The following NCAPH variants were observed in gnomAD, a reference collection of about 807,000 sequenced individuals.
The protein encoded by NCAPH is condensin complex subunit 2.
In NCAPH, 38 loss-of-function variants were observed where a neutral mutation model predicts 85.5. That is an observed-to-expected ratio of 0.44 (90% CI 0.34 to 0.58). The LOEUF (loss-of-function observed/expected upper bound fraction) is 0.58, where lower values mean the gene tolerates loss of function less well. NCAPH is among the 20% of genes least tolerant of loss of function. The probability of loss-of-function intolerance (pLI) is 0.01; values close to 1 mark genes in which losing one functional copy is unlikely to be tolerated. For missense variants in NCAPH, 789 were observed against 916.6 expected, an observed-to-expected ratio of 0.86 and a Z score of 1.80; for synonymous variants, 301 against 335.1, an observed-to-expected ratio of 0.90 and a Z score of 1.11.
chr2:96,358,486 T>C (rs2064554219), intron 9 of NCAPH, among the ~76,000 whole-genome samples: 2 of 152,284 alleles, frequency 1.3e-5, no homozygotes, highest in South Asian at 4.1e-4. Context: ...CTTTTTTTTT[T>C]GAGACGGAGT....
chr2:96,335,946 G>GAT, intron 1 of NCAPH, 98 bp downstream of exon 1: 1 of 1,227,692 alleles, frequency 8.1e-7, no homozygotes, highest in South Asian at 1.8e-5. Context: ...GGGGAGAGAG[G>GAT]ATATGCTCAG....
At chr2:96,371,868 G>A (rs144703171) in intron 17 of NCAPH, among the ~76,000 whole-genome samples, 7 of 152,146 alleles carry the variant, frequency 4.6e-5, no homozygotes, top group South Asian at 4.2e-4. Context: ...TTTCACTCCC[G>A]TCTGGAGTCT....
chr2:96,357,421 C>T (rs2064539312), intron 9 of NCAPH, among the ~76,000 whole-genome samples: 1 of 152,158 alleles, frequency 6.6e-6, no homozygotes, highest in South Asian at 2.1e-4. Context: ...TGCGACATAG[C>T]ATTGTATGTT....
chr2:96,346,248 G>T (rs1212567293), intron 6 of NCAPH, among the ~76,000 whole-genome samples: 1 of 152,060 alleles, frequency 6.6e-6, no homozygotes, highest in Non-Finnish European at 1.5e-5. Context: ...GGATAGGGAA[G>T]GAAGGCACTG....
intron 9 of NCAPH, among the ~76,000 whole-genome samples, chr2:96,356,960 T>C (rs1407947036): frequency 1.3e-5 from 2 of 152,166 alleles, no homozygotes; most frequent in African/African-American, 2.4e-5. Flanking sequence ...CAAAAGTGCT[T>C]GATGTCTAAG....
chr2:96,365,970 C>T lies in NCAPH; in HGVS notation c.1793C>T (p.Thr598Ile), dbSNP rs1424027659. Residue 598 changes from threonine (T) to isoleucine (I), a missense_variant, in exon 14 of 18, where the codon ACA (threonine) becomes ATA (isoleucine). By Grantham distance (89) the Thr-to-Ile change is moderately conservative (BLOSUM62 -1). Coordinates refer to ENST00000240423, the MANE Select transcript of NCAPH (RefSeq NM_015341.5). Reference sequence around the variant, plus strand: ...CCTTATCCTTGCCATCCACCTAAGACAGCACAACAGAATGGTGACACTCCA... The same window carrying T: ...CCTTATCCTTGCCATCCACCTAAGATAGCACAACAGAATGGTGACACTCCA... ...LSPYPCHPPK[T>I]AQQNGDTPEA... 1.2e-6 allele frequency: 2 copies of T among 1,614,080 alleles called. No homozygotes were observed. The highest frequency in any genetic ancestry group is 2.7e-5 in the African/African-American group (2 of 74,930).
intron 6 of NCAPH, among the ~76,000 whole-genome samples, chr2:96,346,206 A>T (rs1247113528): frequency 6.6e-6 from 1 of 152,088 alleles, no homozygotes; most frequent in East Asian, 1.9e-4. Context: ...TACTGTCTTA[A>T]AACAGGAAGC....
Position 96,351,926 on chromosome 2 carries a change from T to C in NCAPH, c.816T>C (p.Ser272=), listed in dbSNP as rs750406582. The stretch of plus-strand genomic sequence containing the variant: ...CTCTCCACTGCCAGGACTACAGAAG[T>C]GAACTGCTGTTTCCCTCTGATGTCC... ...LSTLHCQDYR[S]ELLFPSDVQT... The change falls in exon 7 of 18, where the codon AGT becomes AGC. Residue 272 remains serine, a synonymous_variant. Transcript: ENST00000240423. 2 of 1,614,126 alleles carry C rather than the reference T, an allele frequency of 1.2e-6. No homozygotes were observed. Among genetic ancestry groups the C allele is most frequent in the Non-Finnish European group, 1.7e-6 (2 of 1,179,986 alleles).
intron 6 of NCAPH, among the ~76,000 whole-genome samples, chr2:96,350,071 T>C (rs1457774441): frequency 1.3e-5 from 2 of 152,256 alleles, no homozygotes; most frequent in Non-Finnish European, 2.9e-5. Context: ...CGAGTTTGGC[T>C]AGCGCCAAGG....
intron 6 of NCAPH, among the ~76,000 whole-genome samples, chr2:96,347,230 A>C (rs776887513): frequency 1.3e-5 from 2 of 150,820 alleles, no homozygotes; most frequent in Non-Finnish European, 2.9e-5. Flanking sequence ...GGGGAAGCCT[A>C]TCCTCAGGCT....
chr2:96,342,184 C>CAAGGGATT, intron 3 of NCAPH, 44 bp downstream of exon 3: 1 of 1,442,052 alleles, frequency 6.9e-7, no homozygotes, highest in Non-Finnish European at 9.8e-7. Flanking sequence ...ATCCCTTGAT[C>CAAGGGATT]ACAGGGGAAA....
rs57014359 is a variant in NCAPH, at chr2:96,370,741, A to G, written c.2166+1241A>G. Among the ~76,000 whole-genome samples the G allele has an allele frequency of 9.6e-3, 1,469 of 152,324 alleles. 28 individuals carry two copies. Among genetic ancestry groups the G allele is most frequent in the African/African-American group, 0.034 (1,396 of 41,576 alleles). ...CCACTGGGCCAGGACCAAGTGCTGTATGTCTCCAACTACTGTGCTGACCAT... is the reference window on the plus strand; with the variant it reads ...CCACTGGGCCAGGACCAAGTGCTGTGTGTCTCCAACTACTGTGCTGACCAT... On this transcript the variant is annotated intron_variant, in intron 17 of 17. Coordinates refer to ENST00000240423, the MANE Select transcript of NCAPH (RefSeq NM_015341.5).
chr2:96,343,336 T>C, intron 5 of NCAPH, 32 bp downstream of exon 5: 2 of 1,598,172 alleles, frequency 1.3e-6, no homozygotes, highest in South Asian at 2.3e-5. Flanking sequence ...TTTAAGTGGC[T>C]CTTTTTAGGG....
Position 96,369,024 on chromosome 2 carries a change from A to G in NCAPH, c.2051A>G (p.Glu684Gly). ...KEAALAEVAD[E>G]KMLSGLTKDL... ...GCGGCCCTGGCAGAAGTGGCTGACGAGAAGATGCTTAGCGGGCTCACGAAG... is the reference window on the plus strand; with the variant it reads ...GCGGCCCTGGCAGAAGTGGCTGACGGGAAGATGCTTAGCGGGCTCACGAAG... Residue 684 changes from glutamate to glycine, a missense_variant, in exon 16 of 18, where the codon GAG becomes GGG. Physicochemically the swap from Glu to Gly is moderately conservative, Grantham distance 98. Transcript: ENST00000240423. 6.4e-7 allele frequency: 1 copy of G among 1,556,806 alleles called. No homozygotes were observed. The highest frequency in any genetic ancestry group is 1.4e-5 in the African/African-American group (1 of 73,570).
chr2:96,362,117 A>G (rs2064632240), intron 12 of NCAPH, among the ~76,000 whole-genome samples: 1 of 151,132 alleles, frequency 6.6e-6, no homozygotes, highest in Admixed American at 6.6e-5. Flanking sequence ...CAATAGAAAT[A>G]CTCTTTTTTT....
intron 12 of NCAPH, among the ~76,000 whole-genome samples, chr2:96,361,794 G>GTATA (rs1342452459): frequency 5.6e-5 from 5 of 89,854 alleles, no homozygotes; most frequent in Non-Finnish European, 1.1e-4. Flanking sequence ...ACATATATAT[G>GTATA]TATATATATG....
At position 96,373,480 on chromosome 2, in the gene NCAPH, T is replaced by C; in HGVS notation, c.*129T>C. ...GTAGCCAACTACCAACGTGCCTGTTTGTTTGTTGCTCTTTCCTTCTCTCCA... is the reference window on the plus strand; with the variant it reads ...GTAGCCAACTACCAACGTGCCTGTTCGTTTGTTGCTCTTTCCTTCTCTCCA... On this transcript the variant is annotated 3_prime_UTR_variant, in exon 18 of 18. Coordinates refer to ENST00000240423, the MANE Select transcript of NCAPH (RefSeq NM_015341.5). 1 of 824,332 alleles carries C rather than the reference T, an allele frequency of 1.2e-6. No homozygotes were observed. Among genetic ancestry groups the C allele is most frequent in the Non-Finnish European group, 2.0e-6 (1 of 500,234 alleles). The allele number at this position is 824,332 out of a possible 1,614,324, so 51.1% of individuals were successfully genotyped here.
chr2:96,344,747 C>T (rs1172336434), intron 6 of NCAPH, among the ~76,000 whole-genome samples: 1 of 152,164 alleles, frequency 6.6e-6, no homozygotes, highest in African/African-American at 2.4e-5. Context: ...CCTAAGGAAT[C>T]GGCTTAAACA....
At chr2:96,346,992 C>A (rs2064370642) in intron 6 of NCAPH, among the ~76,000 whole-genome samples, 1 of 152,070 alleles carries the variant, frequency 6.6e-6, no homozygotes, top group African/African-American at 2.4e-5. Flanking sequence ...AGTAATGAGC[C>A]ATAAACTAAT....
Sources: gnomAD v4.1 joint callset for allele counts (sites outside exome capture counted in the v4.1 genomes callset) on GRCh38, gnomAD v4.1.1 for gene constraint, MANE v1.5 for transcripts, NCBI Gene and HGNC (gene_info 2026-07-23, HGNC 2026-07-21) for gene names.